L3MBTL4: variants seen among roughly 807,000 people sequenced by gnomAD.
The protein encoded by L3MBTL4 is lethal(3)malignant brain tumor-like protein 4.
L3MBTL4 carries 70 observed loss-of-function variants against 84.5 expected under a neutral mutation model. That is an observed-to-expected ratio of 0.83 (90% CI 0.68 to 1.01). The LOEUF (loss-of-function observed/expected upper bound fraction) is 1.01. L3MBTL4 is among the 50% of genes least tolerant of loss of function. The probability of loss-of-function intolerance (pLI) is 0.00; values close to 1 mark genes in which losing one functional copy is unlikely to be tolerated. For missense variants in L3MBTL4, 715 were observed against 754.8 expected (o/e 0.95, Z 0.62); for synonymous variants, 274 against 259.8 (o/e 1.05, Z -0.52).
rs533357724 is a variant in L3MBTL4, at chr18:6,100,857, G to T, written c.1200-7329C>A. Among the ~76,000 whole-genome samples the T allele has an allele frequency of 3.9e-5, 6 of 152,334 alleles. No homozygotes were observed. In the South Asian group the frequency reaches 1.0e-3, roughly 26 times the overall value. On this transcript the variant is annotated intron_variant, in intron 14 of 18. Coordinates refer to ENST00000317931, the MANE Select transcript of L3MBTL4 (RefSeq NM_001330559.2). Reference sequence around the variant, plus strand: ...CTGCGACACCACCCTAGCAGAGCTGGGAGGGGACACTGCACTACCACTGGA... The same window carrying T: ...CTGCGACACCACCCTAGCAGAGCTGTGAGGGGACACTGCACTACCACTGGA...
At chr18:6,341,384 T>C (rs1434185835) in intron 1 of L3MBTL4, among the ~76,000 whole-genome samples, 1 of 151,840 alleles carries the variant, frequency 6.6e-6, no homozygotes, top group African/African-American at 2.4e-5. Flanking sequence ...CTAAATTATA[T>C]AAGGGAAACA....
At chr18:5,999,174 C>T (rs1228621564) in intron 16 of L3MBTL4, among the ~76,000 whole-genome samples, 8 of 152,186 alleles carry the variant, frequency 5.3e-5, no homozygotes, top group African/African-American at 1.9e-4. Context: ...AGGATGCTGT[C>T]CTAGTTCTCT....
rs554777370 is a variant in L3MBTL4, at chr18:6,147,856, T to A, written c.1097-9560A>T. On this transcript the variant is annotated intron_variant, in intron 13 of 18. Transcript: ENST00000317931. ...ACTTCCTTAATAAAGAACTGGCAAA[T>A]ATTTTCTTAACAAAATATAGTAAAA... 8.7e-4 allele frequency among the ~76,000 whole-genome samples: 132 copies of A among 152,340 alleles called. No homozygotes were observed. In the South Asian group the frequency reaches 0.013, roughly 15 times the overall value.
At chr18:6,238,632 A>G (rs2047320409) in intron 9 of L3MBTL4, among the ~76,000 whole-genome samples, 1 of 152,224 alleles carries the variant, frequency 6.6e-6, no homozygotes, top group Non-Finnish European at 1.5e-5. Flanking sequence ...ATAAACTTCT[A>G]CCACTTCTTG....
At chr18:6,270,606 C>G (rs140169209) in intron 4 of L3MBTL4, among the ~76,000 whole-genome samples, 127 of 152,300 alleles carry the variant, frequency 8.3e-4, no homozygotes, top group African/African-American at 2.9e-3. Context: ...GGACAATTCT[C>G]TTTGAGACGA....
rs375711855 is a variant in L3MBTL4 at position 6,181,505 on chromosome 18, T to TTTTTAGTAGAGTGGGGG, written c.982-9580_982-9564dup. Among the ~76,000 whole-genome samples the TTTTTAGTAGAGTGGGGG allele has an allele frequency of 2.9e-3, 446 of 152,126 alleles. 2 individuals carry two copies. Among genetic ancestry groups the TTTTTAGTAGAGTGGGGG allele is most frequent in the African/African-American group, 0.01 (425 of 41,478 alleles). On this transcript the variant is annotated intron_variant, in intron 12 of 18. Coordinates refer to ENST00000317931, the MANE Select transcript of L3MBTL4 (RefSeq NM_001330559.2). ...CATGCCCAGCTAATTTTTCTTTGTA[T>TTTTTAGTAGAGTGGGGG]TTTTAGTAGAGTGGGGGTTTCAACA...
intron 1 of L3MBTL4, among the ~76,000 whole-genome samples, chr18:6,369,548 G>C (rs901285674): frequency 6.6e-6 from 1 of 152,180 alleles, no homozygotes; most frequent in African/African-American, 2.4e-5. Flanking sequence ...ACAGGCCATG[G>C]CTTAGAAACA....
At chr18:6,284,052 G>A (rs896431784) in intron 4 of L3MBTL4, among the ~76,000 whole-genome samples, 1 of 152,156 alleles carries the variant, frequency 6.6e-6, no homozygotes, top group Admixed American at 6.5e-5. Context: ...AAATTTCTGT[G>A]TATTGCACTA....
At chr18:6,181,756 G>A (rs1397429017) in intron 12 of L3MBTL4, among the ~76,000 whole-genome samples, 2 of 151,974 alleles carry the variant, frequency 1.3e-5, no homozygotes, top group Non-Finnish European at 2.9e-5. Context: ...GTGAGAATAC[G>A]TGGTATTTGT....
intron 12 of L3MBTL4, among the ~76,000 whole-genome samples, chr18:6,212,183 CAGA>C (rs2046136722): frequency 6.6e-6 from 1 of 152,160 alleles, no homozygotes; most frequent in South Asian, 2.1e-4. Context: ...TTTCATTCAT[CAGA>C]AGAATAATGG....
At chr18:6,317,117 A>C (rs994881024) in intron 1 of L3MBTL4, among the ~76,000 whole-genome samples, 3 of 152,220 alleles carry the variant, frequency 2.0e-5, no homozygotes, top group African/African-American at 7.2e-5. Context: ...CACACTGAGC[A>C]CATTGTTACT....
intron 1 of L3MBTL4, among the ~76,000 whole-genome samples, chr18:6,412,307 C>T (rs1264170682): frequency 6.6e-6 from 1 of 152,152 alleles, no homozygotes; most frequent in Non-Finnish European, 1.5e-5. Flanking sequence ...GCCCACCAAA[C>T]CTACCTCTCC....
chr18:5,967,863 G>A (rs2052431401), intron 17 of L3MBTL4, among the ~76,000 whole-genome samples: 1 of 152,254 alleles, frequency 6.6e-6, no homozygotes, highest in Non-Finnish European at 1.5e-5. Flanking sequence ...AAGCAAGGGT[G>A]GAAAAGGGGA....
chr18:6,185,020 A>C (rs1351951442), intron 12 of L3MBTL4, among the ~76,000 whole-genome samples: 1 of 152,238 alleles, frequency 6.6e-6, no homozygotes, highest in Non-Finnish European at 1.5e-5. Context: ...ACAGGAAAAG[A>C]AGCAGGGTTT....
intron 11 of L3MBTL4, among the ~76,000 whole-genome samples, 197 bp from the exon 12 acceptor site, chr18:6,213,456 A>C (rs535298697): frequency 1.1e-3 from 170 of 152,296 alleles, no homozygotes; most frequent in Middle Eastern, 0.01. Flanking sequence ...CTTGTTGCCC[A>C]GGCTGGAGTG....
chr18:6,200,210 T>G (rs1236337453), intron 12 of L3MBTL4, among the ~76,000 whole-genome samples: 2 of 152,260 alleles, frequency 1.3e-5, no homozygotes, highest in African/African-American at 4.8e-5. Context: ...ACACAGTGAA[T>G]AAGAAGATGC....
intron 1 of L3MBTL4, among the ~76,000 whole-genome samples, chr18:6,338,861 C>A (rs186571989): frequency 1.3e-5 from 2 of 152,046 alleles, no homozygotes; most frequent in Admixed American, 1.3e-4. Context: ...TATACTAATA[C>A]CAGAAAACCT....
intron 16 of L3MBTL4, chr18:6,031,449 C>G: frequency 1.0e-6 from 1 of 985,462 alleles, no homozygotes; most frequent in Non-Finnish European, 1.2e-6. Flanking sequence ...TGGGACCATT[C>G]TTTGCCTCTT....
At chr18:6,176,274 G>C (rs895050255) in intron 12 of L3MBTL4, among the ~76,000 whole-genome samples, 4 of 152,116 alleles carry the variant, frequency 2.6e-5, no homozygotes, top group Admixed American at 2.6e-4. Context: ...AATTAACAAA[G>C]TTGGAGAACT....
Sources: gnomAD v4.1 joint callset for allele counts (sites outside exome capture counted in the v4.1 genomes callset) on GRCh38, gnomAD v4.1.1 for gene constraint, MANE v1.5 for transcripts, NCBI Gene and HGNC (gene_info 2026-07-23, HGNC 2026-07-21) for gene names.